Variants in RYK observed in about 807,000 individuals in gnomAD.
The protein encoded by RYK is inactive tyrosine-protein kinase RYK.
RYK carries 21 observed loss-of-function variants against 70.2 expected under a neutral mutation model. The ratio of observed to expected loss-of-function variants is 0.30; its 90% confidence interval spans 0.21 to 0.43. The LOEUF (loss-of-function observed/expected upper bound fraction) is 0.43. Ranked by LOEUF, RYK falls within the 20% of genes least tolerant of loss-of-function variation. RYK has a pLI of 1.00. For missense variants in RYK, 604 were observed against 753.3 expected (o/e 0.80, Z 2.32); for synonymous variants, 267 against 278.0 (o/e 0.96, Z 0.39).
intron 13 of RYK, among the ~76,000 whole-genome samples, chr3:134,161,687 CA>C (rs1054922161): frequency 3.9e-5 from 6 of 152,100 alleles, no homozygotes; most frequent in African/African-American, 1.4e-4. Context: ...TCTTAAAATA[CA>C]AATTACCAAA....
At chr3:134,163,903 GAGA>G (rs1490438180) in intron 13 of RYK, among the ~76,000 whole-genome samples, 9 of 152,220 alleles carry the variant, frequency 5.9e-5, no homozygotes, top group South Asian at 4.1e-4. Flanking sequence ...TTATAAGAAG[GAGA>G]AGAATTATCT....
rs537365189 is a variant in RYK at position 134,193,619 on chromosome 3, C to T, written c.889+1463G>A. Among the ~76,000 whole-genome samples, 120 of 152,326 alleles carry T rather than the reference C, an allele frequency of 7.9e-4. No homozygotes were observed. The Middle Eastern group carries it at 0.014, about 17-fold the overall frequency. On this transcript the variant is annotated intron_variant, in intron 7 of 14. Transcript: ENST00000623711. ...AAACATTAAAAGCAATGATGTGCCT[C>T]TTCTGAGTAGCTTAAACTACTTTCA...
At chr3:134,229,081 T>C (rs1031771841) in intron 1 of RYK, among the ~76,000 whole-genome samples, 5 of 152,152 alleles carry the variant, frequency 3.3e-5, no homozygotes, top group Non-Finnish European at 4.4e-5. Flanking sequence ...CCTTGACCCC[T>C]ATCTTACATA....
intron 13 of RYK, among the ~76,000 whole-genome samples, chr3:134,175,094 G>A (rs1418835911): frequency 1.3e-5 from 2 of 152,180 alleles, no homozygotes; most frequent in African/African-American, 4.8e-5. Flanking sequence ...CCAGGACTTT[G>A]GGAGGCGGAG....
intron 1 of RYK, among the ~76,000 whole-genome samples, chr3:134,226,900 A>C (rs913038932): frequency 6.6e-6 from 1 of 152,178 alleles, no homozygotes; most frequent in Non-Finnish European, 1.5e-5. Context: ...ATCAGAAACA[A>C]GGCAAAGATG....
In RYK at chr3:134,183,024, T is replaced by G. The variant is rs1357622331; in HGVS notation, c.1150A>C (p.Lys384Gln). ...CACCTGTGATGAAGACCTCGCAGCT[T>G]ACAACTTTCAGTGAGCATCATTGTC... ...QVTMMLTESCKLRGLHHRNLL... is the reference protein window; with the variant it reads ...QVTMMLTESCQLRGLHHRNLL... The change falls in exon 10 of 15, where the codon AAG becomes CAG. Residue 384 changes from lysine to glutamine, a missense_variant. Transcript: ENST00000623711. 1 of 1,590,424 alleles carries G rather than the reference T, an allele frequency of 6.3e-7. No individual in the cohort carries two copies. The highest frequency in any genetic ancestry group is 8.6e-7 in the Non-Finnish European group (1 of 1,167,010).
In RYK at chr3:134,202,764, G is replaced by T; in HGVS notation, c.754C>A (p.Leu252Ile). Residue 252 changes from leucine (L) to isoleucine (I), a missense_variant, in exon 6 of 15, where the codon CTT (leucine) becomes ATT (isoleucine). By Grantham distance (5) the Leu-to-Ile change is conservative. This residue lies in a region of RYK where 466 missense variants were observed against 535.9 expected (regional missense o/e 0.87). Transcript: ENST00000623711. ...AGTTCAATCCTTTTCATACTATGAA[G>T]GTGCAAAACAGCTAATATTATTGCT... Reference protein sequence around the residue: ...LVAIILAVLHLHSMKRIELDD... With the variant: ...LVAIILAVLHIHSMKRIELDD... 1 of 1,612,740 alleles carries T rather than the reference G, an allele frequency of 6.2e-7. No individual in the cohort carries two copies. Among genetic ancestry groups the T allele is most frequent in the Non-Finnish European group, 8.5e-7 (1 of 1,179,576 alleles).
intron 2 of RYK, among the ~76,000 whole-genome samples, chr3:134,219,015 A>T (rs2014650091): frequency 6.6e-6 from 1 of 152,226 alleles, no homozygotes; most frequent in Non-Finnish European, 1.5e-5. Flanking sequence ...TCTGCCTCAC[A>T]AAGAATATCA....
At chr3:134,234,424 AAGAG>A (rs1345646971) in intron 1 of RYK, among the ~76,000 whole-genome samples, 1 of 152,160 alleles carries the variant, frequency 6.6e-6, no homozygotes, top group Non-Finnish European at 1.5e-5. Context: ...CTATAAACTG[AAGAG>A]AAAGACCAAA....
chr3:134,242,347 T>C (rs1212306718), intron 1 of RYK, among the ~76,000 whole-genome samples: 1 of 151,622 alleles, frequency 6.6e-6, no homozygotes, highest in Non-Finnish European at 1.5e-5. Context: ...TGAAATCCAC[T>C]CAGCATTATC....
chr3:134,242,523 A>G (rs1217067736), intron 1 of RYK, among the ~76,000 whole-genome samples: 2 of 152,234 alleles, frequency 1.3e-5, no homozygotes, highest in African/African-American at 2.4e-5. Flanking sequence ...ACAACGCACA[A>G]AAATGTATAC....
chr3:134,233,003 A>C (rs188829672), intron 1 of RYK, among the ~76,000 whole-genome samples: 1 of 152,372 alleles, frequency 6.6e-6, no homozygotes, highest in Admixed American at 6.5e-5. Context: ...TGCTCAAAGG[A>C]GCATTCCCAT....
At chr3:134,238,547 CAGCTT>C in intron 1 of RYK, among the ~76,000 whole-genome samples, 1 of 152,182 alleles carries the variant, frequency 6.6e-6, no homozygotes, top group African/African-American at 2.4e-5. Context: ...GTTTAGAAAT[CAGCTT>C]CAAGAAGACA....
intron 9 of RYK, among the ~76,000 whole-genome samples, chr3:134,186,405 G>A (rs1284384804): frequency 1.3e-5 from 2 of 152,210 alleles, no homozygotes; most frequent in Non-Finnish European, 2.9e-5. Flanking sequence ...TGTGCAACAT[G>A]TAACAAAGCA....
In RYK at chr3:134,158,073, T is replaced by TA; in HGVS notation, c.*79dup. On this transcript the variant is annotated 3_prime_UTR_variant, in exon 15 of 15. Coordinates refer to ENST00000623711, the MANE Select transcript of RYK (RefSeq NM_002958.4). ...AAATGTGCTTCTGTTGGCGTTGTGT[T>TA]AGATACAAAGCATCCCTGACAGGCT... 1.6e-6 allele frequency: 1 copy of TA among 630,858 alleles called. No homozygotes were observed. The highest frequency in any genetic ancestry group is 2.4e-6 in the Non-Finnish European group (1 of 413,202). The allele number at this position is 630,858 out of a possible 1,614,324, so 39.1% of individuals were successfully genotyped here. A position where few individuals can be genotyped will look rare whatever the true frequency, so the allele number is the denominator to read the frequency against.
At chr3:134,241,578 G>A (rs1462408804) in intron 1 of RYK, among the ~76,000 whole-genome samples, 3 of 152,064 alleles carry the variant, frequency 2.0e-5, no homozygotes, top group Non-Finnish European at 2.9e-5. Flanking sequence ...ATTAAACATG[G>A]CATTCAAAAC....
At chr3:134,163,960 A>G (rs1222529348) in intron 13 of RYK, among the ~76,000 whole-genome samples, 2 of 152,358 alleles carry the variant, frequency 1.3e-5, no homozygotes, top group East Asian at 3.9e-4. Flanking sequence ...CTATCTTAAT[A>G]ATTCTGAAGC....
At chr3:134,226,941 A>G (rs2014926045) in intron 1 of RYK, among the ~76,000 whole-genome samples, 1 of 152,206 alleles carries the variant, frequency 6.6e-6, no homozygotes, top group Non-Finnish European at 1.5e-5. Flanking sequence ...TCAACCTTGT[A>G]CCGGAGGTCC....
intron 4 of RYK, among the ~76,000 whole-genome samples, chr3:134,209,036 G>A (rs1007320698): frequency 1.3e-4 from 20 of 152,222 alleles, no homozygotes; most frequent in Non-Finnish European, 2.9e-4. Flanking sequence ...CTTGTAAGGA[G>A]AACTCTAAAA....
Sources: allele counts gnomAD v4.1 joint callset (sites outside exome capture counted in the v4.1 genomes callset), GRCh38; gene constraint gnomAD v4.1.1; regional missense constraint gnomAD v4.1.1; transcripts MANE v1.5; gene names NCBI Gene and HGNC (gene_info 2026-07-23, HGNC 2026-07-21).